CXCR5: variants seen among roughly 807,000 people sequenced by gnomAD.
CXCR5 encodes C-X-C chemokine receptor type 5.
CXCR5 carries 3 observed loss-of-function variants against 5.6 expected under a neutral mutation model. That is an observed-to-expected ratio of 0.54 (90% CI 0.24 to 1.39). The LOEUF is 1.39. Ranked by LOEUF, CXCR5 falls within the 40% of genes most tolerant of loss-of-function variation. CXCR5 has a pLI of 0.16. For synonymous variants in CXCR5, 218 were observed against 219.9 expected (o/e 0.99, Z 0.08); for missense variants, 333 against 494.6 (o/e 0.67, Z 3.10).
intron 1 of CXCR5, among the ~76,000 whole-genome samples, chr11:118,889,186 A>G (rs2137655023): frequency 6.6e-6 from 1 of 152,224 alleles, no homozygotes; most frequent in African/African-American, 2.4e-5. Flanking sequence ...TTCTAACTAG[A>G]TTCTAGCTCC....
At chr11:118,888,510 C>A (rs1939755341) in intron 1 of CXCR5, among the ~76,000 whole-genome samples, 1 of 152,138 alleles carries the variant, frequency 6.6e-6, no homozygotes, top group Non-Finnish European at 1.5e-5. Context: ...CTTGTCCAGA[C>A]CAACCAAACT....
chr11:118,893,958 G>A lies in CXCR5; in HGVS notation c.414G>A (p.Leu138=). The part of the protein sequence containing the change: ...LHKVNFYCSS[L]LLACIAVDRY... ...AAGTCAACTTCTACTGCAGCAGCCT[G>A]CTCCTGGCCTGCATCGCCGTGGACC... The change falls in exon 2 of 2, where the codon CTG becomes CTA. Residue 138 remains leucine, a synonymous_variant. Transcript: ENST00000292174. The surrounding 1 kb of genome is among the most constrained non-coding windows in gnomAD (Gnocchi z 5.7). The A allele has an allele frequency of 1.2e-6, 2 of 1,613,888 alleles. No individual in the cohort carries two copies. Among genetic ancestry groups the A allele is most frequent in the Non-Finnish European group, 1.7e-6 (2 of 1,180,026 alleles).
At position 118,894,727 on chromosome 11, in the gene CXCR5, C is replaced by T; in HGVS notation, c.*64C>T. On this transcript the variant is annotated 3_prime_UTR_variant, in exon 2 of 2. Transcript: ENST00000292174. This position sits in a 1 kb window ranked among gnomAD's most constrained non-coding sequence, Gnocchi z 6.1. ...CAGGCAGTGATGCTGGATGCTCCTT[C>T]CAACAGGAGCTGGGATCCTAAGGGC... 1 of 1,440,426 alleles carries T rather than the reference C, an allele frequency of 6.9e-7. No individual in the cohort carries two copies. The highest frequency in any genetic ancestry group is 9.3e-7 in the Non-Finnish European group (1 of 1,079,068). The allele number at this position is 1,440,426 out of a possible 1,614,324, so 89.2% of individuals were successfully genotyped here.
chr11:118,894,588 G>C lies in CXCR5; in HGVS notation c.1044G>C (p.Leu348=), dbSNP rs757834637. 29 of 1,528,346 alleles carry C rather than the reference G, an allele frequency of 1.9e-5. No individual in the cohort carries two copies. The highest frequency in any genetic ancestry group is 2.5e-5 in the Non-Finnish European group (28 of 1,137,756). The allele number at this position is 1,528,346 out of a possible 1,614,324, so 94.7% of individuals were successfully genotyped here. Residue 348 remains leucine (L), a synonymous_variant, in exon 2 of 2, where the codon CTG becomes CTC. Coordinates refer to ENST00000292174, the MANE Select transcript of CXCR5 (RefSeq NM_001716.5). The surrounding 1 kb of genome is among the most constrained non-coding windows in gnomAD (Gnocchi z 6.1). ...TKLGCTGPAS[L]CQLFPSWRRS... ...TGGGCTGTACCGGCCCTGCCTCCCT[G>C]TGCCAGCTCTTCCCTAGCTGGCGCA...
chr11:118,887,148 A>G, intron 1 of CXCR5: 3 of 752,838 alleles, frequency 4.0e-6, no homozygotes, highest in Non-Finnish European at 3.2e-6. Flanking sequence ...TCGGGCATAC[A>G]AACTGCAGAG....
intron 1 of CXCR5, among the ~76,000 whole-genome samples, chr11:118,891,291 G>A (rs1341485690): frequency 1.3e-5 from 2 of 152,082 alleles, no homozygotes; most frequent in African/African-American, 4.8e-5. Flanking sequence ...GTGCCCAGGA[G>A]TTCTGAAATT....
At chr11:118,891,489 G>A (rs1469010364) in intron 1 of CXCR5, among the ~76,000 whole-genome samples, 1 of 152,122 alleles carries the variant, frequency 6.6e-6, no homozygotes, top group Non-Finnish European at 1.5e-5. Flanking sequence ...ACAGGCCTGA[G>A]CCACCATGCC....
intron 1 of CXCR5, chr11:118,886,395 T>G (rs1052218307): frequency 4.6e-6 from 2 of 432,144 alleles, no homozygotes; most frequent in Middle Eastern, 3.4e-4. Flanking sequence ...TAAGCCAGGT[T>G]CGTCATTCTG....
intron 1 of CXCR5, chr11:118,886,217 T>C: frequency 2.4e-6 from 1 of 408,210 alleles, no homozygotes; most frequent in South Asian, 1.8e-5. Context: ...GGTCCTTCTA[T>C]TCCTTCTGCT....
intron 1 of CXCR5, among the ~76,000 whole-genome samples, chr11:118,884,684 TAG>T (rs1254202863): frequency 1.3e-5 from 2 of 152,152 alleles, no homozygotes; most frequent in Non-Finnish European, 2.9e-5. Flanking sequence ...GTAGAATCTC[TAG>T]AGATAAGGTA....
At chr11:118,889,615 G>A (rs1314462040) in intron 1 of CXCR5, among the ~76,000 whole-genome samples, 1 of 152,118 alleles carries the variant, frequency 6.6e-6, no homozygotes, top group African/African-American at 2.4e-5. Context: ...GTGGGAAGTG[G>A]CTTTAACATG....
At chr11:118,886,596 A>G in intron 1 of CXCR5, 2 of 352,340 alleles carry the variant, frequency 5.7e-6, no homozygotes. Context: ...TATGCCAGGG[A>G]CCCATCCTGC....
At chr11:118,890,039 T>C (rs1269930635) in intron 1 of CXCR5, among the ~76,000 whole-genome samples, 3 of 152,180 alleles carry the variant, frequency 2.0e-5, no homozygotes, top group Non-Finnish European at 4.4e-5. Flanking sequence ...CCTCCCTGTC[T>C]GAACGGCTTG....
At position 118,894,790 on chromosome 11, in the gene CXCR5, T is replaced by C. The variant is rs1020567043; in HGVS notation, c.*127T>C. 1.4e-5 allele frequency: 13 copies of C among 912,534 alleles called. No homozygotes were observed. Among genetic ancestry groups the C allele is most frequent in the Non-Finnish European group, 1.8e-5 (12 of 657,894 alleles). 56.5% of individuals were successfully genotyped at this position (912,534 alleles called of 1,614,324 possible). A position where few individuals can be genotyped will look rare whatever the true frequency, so the allele number is the denominator to read the frequency against. ...AGAGTGTCCTAGGAGTATCCTCATT[T>C]GGGGTAGCTAGAGGAACCAACCCCC... is the stretch of plus-strand genomic sequence containing the variant. On this transcript the variant is annotated 3_prime_UTR_variant, in exon 2 of 2. Coordinates refer to ENST00000292174, the MANE Select transcript of CXCR5 (RefSeq NM_001716.5). This position sits in a 1 kb window ranked among gnomAD's most constrained non-coding sequence, Gnocchi z 6.1.
chr11:118,893,450 G>A lies in CXCR5; in HGVS notation c.52-146G>A. The A allele has an allele frequency of 2.8e-6, 4 of 1,418,374 alleles. No homozygotes were observed. The Admixed American group carries it at 1.2e-4, about 41-fold the overall frequency. 87.9% of individuals were successfully genotyped at this position (1,418,374 alleles called of 1,614,324 possible). A position where few individuals can be genotyped will look rare whatever the true frequency, so the allele number is the denominator to read the frequency against. ...AAAAACTGAAGTTGGAAAAGACAAA[G>A]TGATTTGTTCAAAATTGAAATTTGA... On this transcript the variant is annotated intron_variant, in intron 1 of 1. Transcript: ENST00000292174. The surrounding 1 kb of genome is among the most constrained non-coding windows in gnomAD (Gnocchi z 5.7).
In CXCR5 at chr11:118,893,807, C is replaced by G. The variant is rs758882989; in HGVS notation, c.263C>G (p.Thr88Ser). 6.2e-7 allele frequency: 1 copy of G among 1,614,104 alleles called. No homozygotes were observed. Among genetic ancestry groups the G allele is most frequent in the South Asian group, 1.1e-5 (1 of 91,076 alleles). The change falls in exon 2 of 2, where the codon ACC becomes AGC. Residue 88 changes from threonine to serine, a missense_variant. Transcript: ENST00000292174. The surrounding 1 kb of genome is among the most constrained non-coding windows in gnomAD (Gnocchi z 5.7). ...RHRQTRSSTETFLFHLAVADL... is the reference protein window; with the variant it reads ...RHRQTRSSTESFLFHLAVADL... ...CGGCAGACACGCAGTTCCACGGAGA[C>G]CTTCCTGTTCCACCTGGCCGTGGCC...
intron 1 of CXCR5, among the ~76,000 whole-genome samples, chr11:118,885,299 C>G (rs1939694231): frequency 2.6e-5 from 4 of 152,112 alleles, no homozygotes; most frequent in Admixed American, 1.3e-4. Flanking sequence ...ATTTGTGGGA[C>G]CCAATGCAAA....
At chr11:118,888,664 A>G (rs1939758692) in intron 1 of CXCR5, among the ~76,000 whole-genome samples, 1 of 152,236 alleles carries the variant, frequency 6.6e-6, no homozygotes, top group South Asian at 2.1e-4. Context: ...AACTGTTGTT[A>G]CCTGGTCCTC....
chr11:118,888,012 C>T (rs1939744314), intron 1 of CXCR5, among the ~76,000 whole-genome samples: 2 of 152,152 alleles, frequency 1.3e-5, no homozygotes, highest in South Asian at 2.1e-4. Context: ...CATTCACTGG[C>T]GGCAGAATGG....
Sources: allele counts gnomAD v4.1 joint callset (sites outside exome capture counted in the v4.1 genomes callset), GRCh38; gene constraint gnomAD v4.1.1; non-coding constraint Gnocchi (gnomAD v3.1); transcripts MANE v1.5; gene names NCBI Gene and HGNC (gene_info 2026-07-23, HGNC 2026-07-21).